Variants in SDE2 observed in about 807,000 individuals in gnomAD.
The protein encoded by SDE2 is splicing regulator SDE2.
In SDE2, 31 loss-of-function variants were observed where a neutral mutation model predicts 46.9. The ratio of observed to expected loss-of-function variants is 0.66; its 90% CI spans 0.50 to 0.89. SDE2 has a LOEUF of 0.89. SDE2 is among the 40% of genes least tolerant of loss of function. The pLI is 0.00. For synonymous variants in SDE2, 205 were observed against 204.3 expected (o/e 1.00, Z -0.03); for missense variants, 542 against 564.4 (o/e 0.96, Z 0.40).
At chr1:225,992,696 C>A in intron 3 of SDE2, 129 bp from the exon 4 acceptor site, 1 of 697,130 alleles carries the variant, frequency 1.4e-6, no homozygotes. Context: ...GTGAGCCATG[C>A]TTACTACTAG....
chr1:225,994,534 G>A (rs1021767967), intron 2 of SDE2, among the ~76,000 whole-genome samples: 8 of 152,088 alleles, frequency 5.3e-5, no homozygotes, highest in Non-Finnish European at 1.2e-4. Flanking sequence ...TATTGTTTTC[G>A]CTCTTTGTTA....
intron 1 of SDE2, among the ~76,000 whole-genome samples, chr1:225,996,546 T>C (rs115733211): frequency 0.01 from 1,537 of 152,274 alleles, 23 homozygotes; most frequent in African/African-American, 0.034. Flanking sequence ...ACATTTAGAC[T>C]CAATTTAACT....
At chr1:225,995,423 A>C in intron 1 of SDE2, 40 bp from the exon 2 acceptor site, 1 of 1,027,640 alleles carries the variant, frequency 9.7e-7, no homozygotes, top group Non-Finnish European at 1.5e-6. Context: ...TTTATGAGAT[A>C]ATAATCTAAG....
chr1:225,997,901 T>A (rs1337865567), intron 1 of SDE2, among the ~76,000 whole-genome samples: 1 of 151,694 alleles, frequency 6.6e-6, no homozygotes, highest in Non-Finnish European at 1.5e-5. Flanking sequence ...GAGGCTGAGG[T>A]GGGCGGATCA....
intron 2 of SDE2, 71 bp downstream of exon 2, chr1:225,995,195 G>T: frequency 1.3e-6 from 1 of 797,354 alleles, no homozygotes; most frequent in Non-Finnish European, 2.2e-6. Flanking sequence ...AATGTCAGCA[G>T]CAGAATATGA....
chr1:225,983,151 T>C lies in SDE2; in HGVS notation c.*2151A>G, dbSNP rs545301741. Reference sequence around the variant, plus strand: ...AAATGCAAGTCTCAAGTATATGTTGTTTAAAGAAACTACTTTAAATAGGCA... The same window carrying C: ...AAATGCAAGTCTCAAGTATATGTTGCTTAAAGAAACTACTTTAAATAGGCA... On this transcript the variant is annotated 3_prime_UTR_variant, in exon 7 of 7. Transcript: ENST00000272091. 1.3e-5 allele frequency: 2 copies of C among 152,328 alleles called. No individual in the cohort carries two copies. Among genetic ancestry groups the C allele is most frequent in the Non-Finnish European group, 2.9e-5 (2 of 68,020 alleles). The allele number at this position is 152,328 out of a possible 1,614,324, so 9.4% of individuals were successfully genotyped here.
At chr1:225,994,610 T>C (rs1656478870) in intron 2 of SDE2, among the ~76,000 whole-genome samples, 1 of 152,242 alleles carries the variant, frequency 6.6e-6, no homozygotes, top group Non-Finnish European at 1.5e-5. Context: ...ACAATTGTGT[T>C]TCCTAAGGTA....
At chr1:225,989,195 G>T (rs1019354319) in intron 5 of SDE2, among the ~76,000 whole-genome samples, 2 of 147,806 alleles carry the variant, frequency 1.4e-5, no homozygotes, top group African/African-American at 2.4e-5. Context: ...TACTCGAGAG[G>T]CTGAGGCAGG....
rs1453918296 is a variant in SDE2, at chr1:225,985,365, T to G, written c.1293A>C (p.Gly431=). The change falls in exon 7 of 7, where the codon GGA becomes GGC. Residue 431 remains glycine, a synonymous_variant. Transcript: ENST00000272091. ...CCGGGTCAATTTGCTCCTTTGCCAGTCCTCTGACAGAGAAGAGTCTTGCTG... is the reference window on the plus strand; with the variant it reads ...CCGGGTCAATTTGCTCCTTTGCCAGGCCTCTGACAGAGAAGAGTCTTGCTG... ...ERAARLFSVR[G]LAKEQIDPAL... is the part of the protein sequence containing the mutation. 1.2e-6 allele frequency: 2 copies of G among 1,614,110 alleles called. No homozygotes were observed. The highest frequency in any genetic ancestry group is 2.7e-5 in the African/African-American group (2 of 74,938).
Position 225,985,119 on chromosome 1 carries a change from T to C in SDE2, c.*183A>G. 1.7e-6 allele frequency: 1 copy of C among 594,020 alleles called. No homozygotes were observed. The highest frequency in any genetic ancestry group is 2.1e-5 in the South Asian group (1 of 47,590). 36.8% of individuals were successfully genotyped at this position (594,020 alleles called of 1,614,324 possible). ...ACTATAGAAAACCAGACAAAGAAAA[T>C]TTAAGGCCCAGATGGTTTCAGACAT... On this transcript the variant is annotated 3_prime_UTR_variant, in exon 7 of 7. Coordinates refer to ENST00000272091, the MANE Select transcript of SDE2 (RefSeq NM_152608.4).
intron 1 of SDE2, among the ~76,000 whole-genome samples, chr1:225,997,459 T>C (rs905111870): frequency 6.6e-6 from 1 of 152,210 alleles, no homozygotes; most frequent in Non-Finnish European, 1.5e-5. Context: ...AGACCGAGTC[T>C]TGCTCTGTCA....
At chr1:225,993,296 C>T (rs191069358) in intron 2 of SDE2, among the ~76,000 whole-genome samples, 1 of 152,208 alleles carries the variant, frequency 6.6e-6, no homozygotes, top group East Asian at 1.9e-4. Context: ...GGTATAATAC[C>T]TGTACAGCTA....
chr1:225,988,385 C>A lies in SDE2; in HGVS notation c.645G>T (p.Leu215Phe), dbSNP rs772706896. ...CTGCAGTCTCTAGTCCCTCCATGCCCAACCTGTCAGAAGCAACAGAAAGGT... is the reference window on the plus strand; with the variant it reads ...CTGCAGTCTCTAGTCCCTCCATGCCAAACCTGTCAGAAGCAACAGAAAGGT... ...ASAGKRRCFW[L>F]GMEGLETAEG... The change falls in exon 6 of 7, where the codon TTG (leucine) becomes TTT (phenylalanine). Residue 215 changes from leucine to phenylalanine, a missense_variant. This residue lies in a region of SDE2 where 401 missense variants were observed against 437.8 expected (regional missense o/e 0.92). Coordinates refer to ENST00000272091, the MANE Select transcript of SDE2 (RefSeq NM_152608.4). 2 of 1,613,532 alleles carry A rather than the reference C, an allele frequency of 1.2e-6. No homozygotes were observed. Among genetic ancestry groups the A allele is most frequent in the Admixed American group, 1.7e-5 (1 of 59,970 alleles).
At position 225,988,294 on chromosome 1, in the gene SDE2, A is replaced by T; in HGVS notation, c.736T>A (p.Phe246Ile). 1 of 1,613,206 alleles carries T rather than the reference A, an allele frequency of 6.2e-7. No individual in the cohort carries two copies. Among genetic ancestry groups the T allele is most frequent in the Non-Finnish European group, 8.5e-7 (1 of 1,179,112 alleles). The change falls in exon 6 of 7, where the codon TTC becomes ATC. Residue 246 changes from phenylalanine to isoleucine, a missense_variant. Transcript: ENST00000272091. ...EEAPSTSGMG[F>I]HAPKIGSNGV... is the part of the protein sequence containing the mutation. ...TTGCTACCAATTTTTGGAGCATGGA[A>T]ACCCATTCCTGAAGTGCTTGGTGCT... is the stretch of plus-strand genomic sequence containing the variant.
At chr1:225,989,125 C>T (rs1411095527) in intron 5 of SDE2, among the ~76,000 whole-genome samples, 1 of 149,566 alleles carries the variant, frequency 6.7e-6, no homozygotes, top group African/African-American at 2.5e-5. Context: ...GGTGAAATCC[C>T]GTCTCTACTA....
rs977519552 is a variant in SDE2, at chr1:225,987,897, G to A, written c.1133C>T (p.Ala378Val). 6.2e-7 allele frequency: 1 copy of A among 1,610,244 alleles called. No homozygotes were observed. The highest frequency in any genetic ancestry group is 1.3e-5 in the African/African-American group (1 of 74,572). The change falls in exon 6 of 7, where the codon GCA (alanine) becomes GTA (valine). Residue 378 changes from alanine (A) to valine (V), a missense_variant and splice_region_variant. Ala to Val is a moderately conservative substitution (Grantham distance 64). Around this residue, in one of 3 missense-constraint regions of SDE2, gnomAD observed 401 missense variants for 437.8 expected, o/e 0.92. Transcript: ENST00000272091. ...GTATCAACCCCAAAACATACTTACT[G>A]CGTTTCCTGGCTGGCTTTCCTGCAG... Reference protein sequence around the residue: ...AKLQESQPGNAVIDKETIDLL... With the variant: ...AKLQESQPGNVVIDKETIDLL...
rs564756897 is a variant in SDE2 at position 225,993,013 on chromosome 1, G to T, written c.239-11C>A. 9 of 1,493,326 alleles carry T rather than the reference G, an allele frequency of 6.0e-6. No individual in the cohort carries two copies. In the South Asian group the frequency reaches 1.0e-4, roughly 17 times the overall value. 92.5% of individuals were successfully genotyped at this position (1,493,326 alleles called of 1,614,324 possible). A position where few individuals can be genotyped will look rare whatever the true frequency, so the allele number is the denominator to read the frequency against. ...GCATAGATCCAAAACCTGAGCAGAT[G>T]TATTTGGAGAAAGCAGGTTAAAATG... On this transcript the variant is annotated splice_polypyrimidine_tract_variant and intron_variant, in intron 2 of 6. Coordinates refer to ENST00000272091, the MANE Select transcript of SDE2 (RefSeq NM_152608.4).
chr1:225,995,819 CAA>C, intron 1 of SDE2, among the ~76,000 whole-genome samples: 1 of 152,100 alleles, frequency 6.6e-6, no homozygotes, highest in South Asian at 2.1e-4. Flanking sequence ...AGGAAGGAGT[CAA>C]GAGTGTGGTT....
At position 225,999,275 on chromosome 1, in the gene SDE2, G is replaced by C. The variant is rs150202613; in HGVS notation, c.38C>G (p.Pro13Arg). 2.5e-6 allele frequency: 4 copies of C among 1,612,496 alleles called. No individual in the cohort carries two copies. The highest frequency in any genetic ancestry group is 1.1e-5 in the South Asian group (1 of 90,888). Residue 13 changes from proline to arginine, a missense_variant, in exon 1 of 7, where the codon CCT becomes CGT. Pro to Arg is a moderately radical substitution (Grantham distance 103, BLOSUM62 -2). This residue lies in a region of SDE2 where 135 missense variants were observed against 106.5 expected (regional missense o/e 1.27). Coordinates refer to ENST00000272091, the MANE Select transcript of SDE2 (RefSeq NM_152608.4). ...EAAALVWIRG[P>R]GFGCKAVRCA... The stretch of plus-strand genomic sequence containing the variant: ...CCGCACCGCCTTGCACCCGAAGCCA[G>C]GGCCGCGAATCCACACCAGCGCCGC...
Sources: gnomAD v4.1 joint callset for allele counts (sites outside exome capture counted in the v4.1 genomes callset) on GRCh38, gnomAD v4.1.1 for gene constraint, gnomAD v4.1.1 regional missense constraint, MANE v1.5 for transcripts, NCBI Gene and HGNC (gene_info 2026-07-23, HGNC 2026-07-21) for gene names.